The following AHCYL1 variants were observed in gnomAD, a reference collection of about 807,000 sequenced individuals.
AHCYL1 encodes the protein adenosylhomocysteinase like 1, also known as S-adenosylhomocysteine hydrolase-like protein 1.
A neutral mutation model predicts 79.3 loss-of-function variants in AHCYL1; 20 were observed. That is an observed-to-expected ratio of 0.25 (90% CI 0.18 to 0.37). The LOEUF is 0.37. Among genes scored for constraint, AHCYL1 ranks in the 10% least tolerant of loss-of-function variants. The pLI is 1.00. For synonymous variants in AHCYL1, 223 were observed against 242.2 expected (o/e 0.92, Z 0.74); for missense variants, 330 against 673.6 (o/e 0.49, Z 5.65).
Position 110,009,114 on chromosome 1 carries a change from C to A in AHCYL1, c.201C>A (p.Ile67=). ...GCCGAAGATCTTTGTCTCGCTCGATCTCACAGTCCTCCACTGACAGCTACA... is the reference window on the plus strand; with the variant it reads ...GCCGAAGATCTTTGTCTCGCTCGATATCACAGTCCTCCACTGACAGCTACA... ...KTGRRSLSRS[I]SQSSTDSYSS... The change falls in exon 2 of 17, where the codon ATC becomes ATA. Residue 67 remains isoleucine, a synonymous_variant. Coordinates refer to ENST00000369799, the MANE Select transcript of AHCYL1 (RefSeq NM_006621.7). The A allele has an allele frequency of 1.2e-6, 2 of 1,613,904 alleles. No homozygotes were observed. Among genetic ancestry groups the A allele is most frequent in the South Asian group, 2.2e-5 (2 of 91,084 alleles).
At chr1:110,021,290 G>A (rs949257294) in intron 16 of AHCYL1, among the ~76,000 whole-genome samples, 1 of 152,180 alleles carries the variant, frequency 6.6e-6, no homozygotes, top group Non-Finnish European at 1.5e-5. Flanking sequence ...AAGGTAGATA[G>A]AGAAATTGTG....
At chr1:110,011,401 G>C in intron 3 of AHCYL1, 44 bp downstream of exon 3, 1 of 1,603,974 alleles carries the variant, frequency 6.2e-7, no homozygotes, top group South Asian at 1.1e-5. Context: ...CAACCCTCTT[G>C]TTGGCCATCA....
chr1:110,008,614 A>G (rs1650820061), intron 1 of AHCYL1, among the ~76,000 whole-genome samples: 1 of 152,160 alleles, frequency 6.6e-6, no homozygotes, highest in African/African-American at 2.4e-5. Context: ...AATGTGCTAC[A>G]AGGGAATATT....
At chr1:109,997,166 T>C (rs1369387949) in intron 1 of AHCYL1, among the ~76,000 whole-genome samples, 1 of 152,234 alleles carries the variant, frequency 6.6e-6, no homozygotes, top group East Asian at 1.9e-4. Context: ...TGGCTGGGCT[T>C]CTGGTGCTCA....
At chr1:110,010,229 C>T (rs979247987) in intron 2 of AHCYL1, among the ~76,000 whole-genome samples, 2 of 152,114 alleles carry the variant, frequency 1.3e-5, no homozygotes, top group Non-Finnish European at 2.9e-5. Flanking sequence ...GTATTAGAGC[C>T]TTTTAAAAAG....
chr1:109,990,245 G>T (rs956224967), intron 1 of AHCYL1, among the ~76,000 whole-genome samples: 1 of 152,152 alleles, frequency 6.6e-6, no homozygotes. Flanking sequence ...AACAAGTGAC[G>T]TCCTTTTCTC....
intron 16 of AHCYL1, among the ~76,000 whole-genome samples, 161 bp from the exon 17 acceptor site, chr1:110,021,513 C>T (rs930322839): frequency 2.0e-5 from 3 of 152,084 alleles, no homozygotes; most frequent in Non-Finnish European, 4.4e-5. Flanking sequence ...TTGTCAGAGA[C>T]CCTGTGGAAG....
At chr1:110,021,547 G>A in intron 16 of AHCYL1, 127 bp from the exon 17 acceptor site, 1 of 785,016 alleles carries the variant, frequency 1.3e-6, no homozygotes, top group Non-Finnish European at 2.1e-6. Flanking sequence ...GGTGCCCTGG[G>A]GAATGACTGC....
intron 16 of AHCYL1, among the ~76,000 whole-genome samples, chr1:110,021,176 GGTTGCAGT>G (rs1376214357): frequency 6.6e-6 from 1 of 152,182 alleles, no homozygotes; most frequent in African/African-American, 2.4e-5. Context: ...GGGAGGCGGA[GGTTGCAGT>G]GAGCTGGGAT....
chr1:110,017,796 C>A, intron 10 of AHCYL1, 150 bp from the exon 11 acceptor site: 1 of 890,228 alleles, frequency 1.1e-6, no homozygotes, highest in Non-Finnish European at 1.7e-6. Context: ...CTGAAGAGGC[C>A]AGTGTATATA....
chr1:110,000,822 A>T, intron 1 of AHCYL1: 1 of 414,608 alleles, frequency 2.4e-6, no homozygotes. Flanking sequence ...CTTAGCCCCA[A>T]CCCCTGTTCT....
chr1:109,998,355 T>C (rs333074), intron 1 of AHCYL1, among the ~76,000 whole-genome samples: 48,886 of 152,010 alleles, frequency 0.32, 8,165 homozygotes, highest in East Asian at 0.43. Flanking sequence ...GTGTGGTGGC[T>C]CTTGCCTGTA....
In AHCYL1 at chr1:110,018,446, C is replaced by T. The variant is rs575422773; in HGVS notation, c.1197C>T (p.His399=). 1.5e-5 allele frequency: 25 copies of T among 1,614,160 alleles called. No homozygotes were observed. In the East Asian group the frequency reaches 5.3e-4, roughly 35 times the overall value. ...GTTGTATCGTATGCAATATGGGCCA[C>T]TCCAACACAGAAATCGATGTGGTAA... ...KNSCIVCNMG[H]SNTEIDVTSL... The change falls in exon 12 of 17, where the codon CAC becomes CAT. Residue 399 remains histidine (H), a synonymous_variant. Transcript: ENST00000369799.
chr1:110,007,759 CG>C (rs1557768234), intron 1 of AHCYL1, among the ~76,000 whole-genome samples: 1 of 152,150 alleles, frequency 6.6e-6, no homozygotes, highest in African/African-American at 2.4e-5. Context: ...TTAGTCAGAT[CG>C]TGAACAGAAT....
chr1:109,998,140 A>G (rs776276927), intron 1 of AHCYL1, among the ~76,000 whole-genome samples: 16 of 152,236 alleles, frequency 1.1e-4, no homozygotes, highest in East Asian at 1.9e-4. Flanking sequence ...GCTAGAGAAT[A>G]TAATCACATA....
At chr1:109,995,644 A>G in intron 1 of AHCYL1, 1 of 985,320 alleles carries the variant, frequency 1.0e-6, no homozygotes, top group Non-Finnish European at 1.2e-6. Flanking sequence ...TTTCCTTTTC[A>G]GATCCTGCTT....
chr1:110,004,283 G>T, intron 1 of AHCYL1: 4 of 985,500 alleles, frequency 4.1e-6, no homozygotes, highest in Non-Finnish European at 4.8e-6. Flanking sequence ...CATCTGGGGA[G>T]AGTGAGAACT....
At chr1:110,003,795 G>A (rs918932654) in intron 1 of AHCYL1, among the ~76,000 whole-genome samples, 1 of 152,154 alleles carries the variant, frequency 6.6e-6, no homozygotes, top group Admixed American at 6.5e-5. Context: ...GCAAATTGTG[G>A]TGTTCAAAAG....
chr1:109,988,876 G>C (rs908847265), intron 1 of AHCYL1, among the ~76,000 whole-genome samples: 6 of 152,224 alleles, frequency 3.9e-5, no homozygotes, highest in African/African-American at 1.4e-4. Context: ...GCCCCAATGG[G>C]TACAGCTTGG....
Sources: allele counts gnomAD v4.1 joint callset (sites outside exome capture counted in the v4.1 genomes callset), GRCh38; gene constraint gnomAD v4.1.1; transcripts MANE v1.5; gene names NCBI Gene and HGNC (gene_info 2026-07-23, HGNC 2026-07-21).